Variants in IGF1R observed in about 807,000 individuals in gnomAD.
IGF1R encodes the protein insulin-like growth factor 1 receptor.
IGF1R carries 44 observed loss-of-function variants against 144.6 expected under a neutral mutation model. The observed-to-expected ratio is 0.30, with a 90% CI of 0.24 to 0.39. IGF1R has a LOEUF of 0.39. Ranked by LOEUF, IGF1R falls within the 10% of genes least tolerant of loss-of-function variation. The pLI is 1.00. For missense variants in IGF1R, 1,355 were observed against 1,833.7 expected (o/e 0.74, Z 4.77); for synonymous variants, 795 against 722.8 (o/e 1.10, Z -1.60).
intron 20 of IGF1R, among the ~76,000 whole-genome samples, chr15:98,951,224 A>G (rs996962533): frequency 6.6e-5 from 10 of 152,308 alleles, no homozygotes; most frequent in African/African-American, 2.4e-4. Context: ...CCAGAACCAG[A>G]AAGTCGGCTG....
At chr15:98,766,266 A>T (rs1350956826) in intron 2 of IGF1R, among the ~76,000 whole-genome samples, 1 of 152,248 alleles carries the variant, frequency 6.6e-6, no homozygotes, top group South Asian at 2.1e-4. Flanking sequence ...TATCCAAGCG[A>T]TGAATATAAA....
At chr15:98,769,464 T>G (rs1281842704) in intron 2 of IGF1R, among the ~76,000 whole-genome samples, 1 of 152,194 alleles carries the variant, frequency 6.6e-6, no homozygotes, top group Non-Finnish European at 1.5e-5. Flanking sequence ...AGGGGCCTTC[T>G]AAGGCCTCAG....
At chr15:98,679,911 G>A (rs2053145896) in intron 1 of IGF1R, among the ~76,000 whole-genome samples, 1 of 151,640 alleles carries the variant, frequency 6.6e-6, no homozygotes, top group African/African-American at 2.4e-5. Context: ...TAACGTGTGT[G>A]TTTGTGTCTT....
intron 2 of IGF1R, among the ~76,000 whole-genome samples, chr15:98,889,773 C>T (rs912737464): frequency 3.3e-5 from 5 of 152,188 alleles, no homozygotes; most frequent in East Asian, 1.9e-4. Context: ...TGTTTGTGAT[C>T]TCTGGTTTTT....
At position 98,785,179 on chromosome 15, in the gene IGF1R, A is replaced by G. The variant is rs146235747; in HGVS notation, c.640+77072A>G. Among the ~76,000 whole-genome samples the G allele has an allele frequency of 2.7e-3, 414 of 152,324 alleles. 3 individuals are homozygous for G. The highest frequency in any genetic ancestry group is 9.0e-3 in the African/African-American group (373 of 41,564). Reference sequence around the variant, plus strand: ...AGTGCCTTACAGTAATTAACCTCCAAATCATCAGAATGTCATCTTGTTATT... The same window carrying G: ...AGTGCCTTACAGTAATTAACCTCCAGATCATCAGAATGTCATCTTGTTATT... On this transcript the variant is annotated intron_variant, in intron 2 of 20. Transcript: ENST00000650285.
intron 1 of IGF1R, among the ~76,000 whole-genome samples, chr15:98,661,711 C>T (rs984967909): frequency 1.3e-5 from 2 of 152,174 alleles, no homozygotes; most frequent in Admixed American, 1.3e-4. Flanking sequence ...AAAGGGAGCT[C>T]CAGGCCTCAG....
chr15:98,766,208 T>C (rs911605049), intron 2 of IGF1R, among the ~76,000 whole-genome samples: 1 of 152,198 alleles, frequency 6.6e-6, no homozygotes, highest in African/African-American at 2.4e-5. Flanking sequence ...TTCCCCTAAT[T>C]CACGAATTCT....
At chr15:98,712,719 A>G (rs377457917) in intron 2 of IGF1R, among the ~76,000 whole-genome samples, 19 of 151,442 alleles carry the variant, frequency 1.3e-4, no homozygotes, top group East Asian at 1.2e-3. Flanking sequence ...AAGTGATTCT[A>G]CTGCCTCAGC....
Position 98,945,417 on chromosome 15 carries a change from C to T in IGF1R, c.3587+2365C>T, listed in dbSNP as rs2016514865. 2.0e-5 allele frequency among the ~76,000 whole-genome samples: 3 copies of T among 152,188 alleles called. No individual in the cohort carries two copies. The South Asian group carries it at 6.2e-4, about 31-fold the overall frequency. ...AGCCAGCACGGGCATTGCAGGGGGA[C>T]TCACAGCCGCCGGTCTTCCCCCTGG... is the stretch of plus-strand genomic sequence containing the variant. On this transcript the variant is annotated intron_variant, in intron 19 of 20. Transcript: ENST00000650285.
rs966734058 is a variant in IGF1R, at chr15:98,875,561, A to G, written c.641-15764A>G. Reference sequence around the variant, plus strand: ...TGTGTATGAACTTTTTTTTTTTTTGAGAATGGCTTTAGTGTTCAGACCAAG... The same window carrying G: ...TGTGTATGAACTTTTTTTTTTTTTGGGAATGGCTTTAGTGTTCAGACCAAG... On this transcript the variant is annotated intron_variant, in intron 2 of 20. Transcript: ENST00000650285. 1.1e-4 allele frequency among the ~76,000 whole-genome samples: 16 copies of G among 150,038 alleles called. 2 individuals carry two copies. Among genetic ancestry groups the G allele is most frequent in the Admixed American group, 8.6e-4 (13 of 15,168 alleles).
chr15:98,851,198 GC>G (rs1322241666), intron 2 of IGF1R, among the ~76,000 whole-genome samples: 1 of 152,192 alleles, frequency 6.6e-6, no homozygotes, highest in Non-Finnish European at 1.5e-5. Context: ...GAACACAGCG[GC>G]TGAGGAACGG....
In IGF1R at chr15:98,707,779, G is replaced by C. The variant is rs762675180; in HGVS notation, c.312G>C (p.Thr104=). 1 of 1,614,148 alleles carries C rather than the reference G, an allele frequency of 6.2e-7. No homozygotes were observed. The highest frequency in any genetic ancestry group is 1.7e-5 in the Admixed American group (1 of 60,010). ...ESLGDLFPNL[T]VIRGWKLFYN... ...TCGGAGACCTCTTCCCCAACCTCAC[G>C]GTCATCCGCGGCTGGAAACTCTTCT... is the stretch of plus-strand genomic sequence containing the variant. The change falls in exon 2 of 21, where the codon ACG becomes ACC. Residue 104 remains threonine (T), a synonymous_variant. Transcript: ENST00000650285. The surrounding 1 kb of genome is among the most constrained non-coding windows in gnomAD (Gnocchi z 6.7).
intron 2 of IGF1R, among the ~76,000 whole-genome samples, chr15:98,768,450 A>G (rs958186316): frequency 1.9e-4 from 29 of 150,816 alleles, no homozygotes; most frequent in African/African-American, 5.4e-4. Context: ...CCCCATCTTT[A>G]CTAAAAATAC....
chr15:98,775,286 C>T (rs2055684360), intron 2 of IGF1R, among the ~76,000 whole-genome samples: 1 of 152,168 alleles, frequency 6.6e-6, no homozygotes, highest in Non-Finnish European at 1.5e-5. Flanking sequence ...TTTTAACAGT[C>T]ACAAGACTGT....
intron 2 of IGF1R, among the ~76,000 whole-genome samples, chr15:98,791,914 G>A (rs1005052470): frequency 2.0e-5 from 3 of 152,200 alleles, no homozygotes; most frequent in Non-Finnish European, 4.4e-5. Context: ...GAAGTTGGCA[G>A]AGGAGCAATC....
chr15:98,829,832 A>T (rs1303188201), intron 2 of IGF1R, among the ~76,000 whole-genome samples: 1 of 152,238 alleles, frequency 6.6e-6, no homozygotes. Flanking sequence ...GACCACTGCT[A>T]TGTTTTGGTG....
At chr15:98,697,010 T>G (rs1427904852) in intron 1 of IGF1R, among the ~76,000 whole-genome samples, 1 of 152,086 alleles carries the variant, frequency 6.6e-6, no homozygotes, top group South Asian at 2.1e-4. Context: ...AAAGTACTCC[T>G]TTGGGGGAAG....
intron 2 of IGF1R, among the ~76,000 whole-genome samples, chr15:98,809,060 C>G (rs1395638917): frequency 6.6e-6 from 1 of 152,198 alleles, no homozygotes; most frequent in African/African-American, 2.4e-5. Context: ...TTCAGGCCCT[C>G]AAGGTGCCAG....
intron 2 of IGF1R, among the ~76,000 whole-genome samples, chr15:98,762,206 T>C (rs2055318049): frequency 7.0e-6 from 1 of 142,584 alleles, no homozygotes; most frequent in Non-Finnish European, 1.6e-5. Context: ...TAAAAGTTGT[T>C]ATATCATTTG....
Sources: allele counts gnomAD v4.1 joint callset (sites outside exome capture counted in the v4.1 genomes callset), GRCh38; gene constraint gnomAD v4.1.1; non-coding constraint Gnocchi (gnomAD v3.1); transcripts MANE v1.5; gene names NCBI Gene and HGNC (gene_info 2026-07-23, HGNC 2026-07-21).